Variants in EFL1 observed in about 807,000 individuals in gnomAD.
EFL1 encodes elongation factor like GTPase 1.
A neutral mutation model predicts 126.7 loss-of-function variants in EFL1; 76 were observed. The ratio of observed to expected loss-of-function variants is 0.60; its 90% CI spans 0.50 to 0.73. The LOEUF is 0.73. Ranked by LOEUF, EFL1 falls within the 30% of genes least tolerant of loss-of-function variation. The probability of loss-of-function intolerance (pLI) is 0.00; values close to 1 mark genes in which losing one functional copy is unlikely to be tolerated. For missense variants in EFL1, 1,128 were observed against 1,343.2 expected, an observed-to-expected ratio of 0.84 and a Z score of 2.50; for synonymous variants, 410 against 448.4, an observed-to-expected ratio of 0.91 and a Z score of 1.08.
At chr15:82,137,034 T>TTTTGAGACGGAGTCTCGCTCTGTCGCCC (rs2073729660) in intron 19 of EFL1, among the ~76,000 whole-genome samples, 2 of 149,096 alleles carry the variant, frequency 1.3e-5, no homozygotes, top group African/African-American at 5.1e-5. Flanking sequence ...TTTTTTTTTT[T>TTTTGAGACGGAGTCTCGCTCTGTCGCCC]AAAGGAAAAG....
intron 15 of EFL1, among the ~76,000 whole-genome samples, chr15:82,211,295 G>A (rs1229986151): frequency 2.0e-5 from 3 of 151,464 alleles, no homozygotes; most frequent in Admixed American, 2.0e-4. Flanking sequence ...GGGAGGCCGA[G>A]GCAGGCAGAT....
At chr15:82,147,750 A>G (rs1161139318) in intron 18 of EFL1, among the ~76,000 whole-genome samples, 1 of 152,136 alleles carries the variant, frequency 6.6e-6, no homozygotes, top group Non-Finnish European at 1.5e-5. Context: ...TCCTTTGCAG[A>G]GTAATGAGAG....
At chr15:82,240,737 T>C (rs563613130) in intron 5 of EFL1, among the ~76,000 whole-genome samples, 182 bp from the exon 6 acceptor site, 3 of 152,292 alleles carry the variant, frequency 2.0e-5, no homozygotes, top group African/African-American at 7.2e-5. Context: ...ATTGTTGCCT[T>C]TATGCAACTG....
In EFL1 at chr15:82,130,278, G is replaced by A. The variant is rs1354688955; in HGVS notation, c.*95C>T. On this transcript the variant is annotated 3_prime_UTR_variant, in exon 20 of 20. Transcript: ENST00000268206. ...CAACTTTATTGAAAGTGAATAAACA[G>A]AGATAATGTGGCAAAAAGAAATTTT... is the stretch of plus-strand genomic sequence containing the variant. 214 of 1,262,502 alleles carry A rather than the reference G, an allele frequency of 1.7e-4. No individual in the cohort carries two copies. The highest frequency in any genetic ancestry group is 2.3e-4 in the Non-Finnish European group (209 of 917,914). 78.2% of individuals were successfully genotyped at this position (1,262,502 alleles called of 1,614,324 possible).
intron 15 of EFL1, among the ~76,000 whole-genome samples, chr15:82,198,783 C>T (rs1285721150): frequency 6.6e-6 from 1 of 152,142 alleles, no homozygotes; most frequent in Non-Finnish European, 1.5e-5. Flanking sequence ...TGCCAGAGGT[C>T]CCACTGGTAA....
intron 8 of EFL1, among the ~76,000 whole-genome samples, chr15:82,230,047 T>A (rs1324450319): frequency 6.6e-6 from 1 of 152,172 alleles, no homozygotes; most frequent in Non-Finnish European, 1.5e-5. Context: ...CTTTAAAATA[T>A]ATTGTTTATA....
intron 16 of EFL1, among the ~76,000 whole-genome samples, chr15:82,160,546 T>C (rs1265571046): frequency 6.6e-6 from 1 of 152,260 alleles, no homozygotes; most frequent in Non-Finnish European, 1.5e-5. Context: ...AATTAGGTAT[T>C]TGATTTTCAT....
intron 14 of EFL1, among the ~76,000 whole-genome samples, chr15:82,217,390 A>AAAAAAAT: frequency 6.6e-6 from 1 of 150,642 alleles, no homozygotes; most frequent in Non-Finnish European, 1.5e-5. Context: ...AAAAAAAAAA[A>AAAAAAAT]AAAAACGAAA....
At chr15:82,257,567 T>C (rs763280699) in intron 3 of EFL1, among the ~76,000 whole-genome samples, 1 of 152,182 alleles carries the variant, frequency 6.6e-6, no homozygotes, top group Non-Finnish European at 1.5e-5. Context: ...TTGCTAGTAA[T>C]TGTTTAAATT....
chr15:82,191,531 C>G (rs11073035), intron 15 of EFL1, among the ~76,000 whole-genome samples: 104,793 of 150,566 alleles, frequency 0.7, 38,085 homozygotes, highest in African/African-American at 0.9. Context: ...AAATGGATTT[C>G]GACATGAAAT....
chr15:82,238,924 T>A (rs1172802727), intron 6 of EFL1, among the ~76,000 whole-genome samples: 1 of 152,080 alleles, frequency 6.6e-6, no homozygotes, highest in Non-Finnish European at 1.5e-5. Context: ...TGCACTACCC[T>A]CTTCAGGCCC....
intron 4 of EFL1, 67 bp from the exon 5 acceptor site, chr15:82,241,470 C>G (rs2141327913): frequency 1.3e-6 from 2 of 1,527,808 alleles, no homozygotes; most frequent in East Asian, 4.6e-5. Context: ...CTCAGGCGTT[C>G]TAGAATAAGA....
intron 15 of EFL1, among the ~76,000 whole-genome samples, chr15:82,204,375 C>T (rs1413337734): frequency 1.4e-5 from 2 of 139,672 alleles, no homozygotes; most frequent in African/African-American, 2.8e-5. Flanking sequence ...AATACCTTTC[C>T]TTTTGGAAAT....
intron 15 of EFL1, among the ~76,000 whole-genome samples, chr15:82,189,760 T>C (rs1270255278): frequency 1.3e-5 from 2 of 152,164 alleles, no homozygotes; most frequent in Non-Finnish European, 2.9e-5. Flanking sequence ...TACATTAGTA[T>C]ATACATTTAT....
At chr15:82,241,910 A>G (rs1183928765) in intron 4 of EFL1, among the ~76,000 whole-genome samples, 1 of 152,198 alleles carries the variant, frequency 6.6e-6, no homozygotes, top group African/African-American at 2.4e-5. Context: ...TTCTACAAAA[A>G]CTTAAGGAGC....
At chr15:82,136,534 C>G (rs558768803) in intron 19 of EFL1, among the ~76,000 whole-genome samples, 26 of 152,336 alleles carry the variant, frequency 1.7e-4, no homozygotes, top group African/African-American at 6.0e-4. Flanking sequence ...CTGTATTGCT[C>G]TGTAATCACA....
chr15:82,159,888 T>A (rs1015003133), intron 16 of EFL1: 6 of 152,220 alleles, frequency 3.9e-5, no homozygotes, highest in African/African-American at 1.4e-4. Flanking sequence ...GTGATAATGG[T>A]CATTAAAATC....
chr15:82,222,743 C>T (rs2074724941), intron 12 of EFL1, among the ~76,000 whole-genome samples: 1 of 152,086 alleles, frequency 6.6e-6, no homozygotes, highest in Non-Finnish European at 1.5e-5. Flanking sequence ...AATTTAATTA[C>T]AAGAAAATGG....
intron 17 of EFL1, among the ~76,000 whole-genome samples, chr15:82,156,018 G>A (rs2073963315): frequency 6.6e-6 from 1 of 152,124 alleles, no homozygotes; most frequent in African/African-American, 2.4e-5. Context: ...TAACCCTGCG[G>A]TCAGCCTCCT....
Sources: allele counts gnomAD v4.1 joint callset (sites outside exome capture counted in the v4.1 genomes callset), GRCh38; gene constraint gnomAD v4.1.1; transcripts MANE v1.5; gene names NCBI Gene and HGNC (gene_info 2026-07-23, HGNC 2026-07-21).